Variants in STRN3 observed in about 807,000 individuals in gnomAD.
STRN3 encodes the protein striatin-3.
A neutral mutation model predicts 95.6 loss-of-function variants in STRN3; 29 were observed. The observed-to-expected ratio is 0.30, with a 90% CI of 0.23 to 0.41. The LOEUF (loss-of-function observed/expected upper bound fraction) is 0.41, where lower values mean the gene tolerates loss of function less well. Among genes scored for constraint, STRN3 ranks in the 10% least tolerant of loss-of-function variants. The probability of loss-of-function intolerance (pLI) is 1.00; values close to 1 mark genes in which losing one functional copy is unlikely to be tolerated. For missense variants in STRN3, 890 were observed against 972.1 expected (o/e 0.92, Z 1.12); for synonymous variants, 331 against 357.6 (o/e 0.93, Z 0.84).
chr14:31,011,882 C>G (rs1303278742), intron 1 of STRN3, among the ~76,000 whole-genome samples: 1 of 152,072 alleles, frequency 6.6e-6, no homozygotes, highest in Non-Finnish European at 1.5e-5. Flanking sequence ...GAGTCGGAGA[C>G]CAGCCTGACC....
At chr14:30,987,660 T>A (rs1488134470) in intron 1 of STRN3, among the ~76,000 whole-genome samples, 1 of 152,134 alleles carries the variant, frequency 6.6e-6, no homozygotes, top group Non-Finnish European at 1.5e-5. Flanking sequence ...ATAATCAATA[T>A]TTGCATTCCA....
intron 1 of STRN3, among the ~76,000 whole-genome samples, chr14:30,984,117 C>G (rs1881543473): frequency 8.5e-6 from 1 of 117,932 alleles, no homozygotes; most frequent in African/African-American, 3.1e-5. Flanking sequence ...AATTCCATGG[C>G]ATCTTCCCCG....
chr14:30,963,140 C>A (rs947278905), intron 1 of STRN3, among the ~76,000 whole-genome samples: 1 of 152,104 alleles, frequency 6.6e-6, no homozygotes, highest in Non-Finnish European at 1.5e-5. Context: ...CACCTAGTAA[C>A]AGATTATCAA....
chr14:30,921,059 T>TACACAC (rs1435369980), intron 8 of STRN3, among the ~76,000 whole-genome samples: 2 of 97,896 alleles, frequency 2.0e-5, no homozygotes, highest in African/African-American at 4.1e-5. Context: ...GAAGGCTTTC[T>TACACAC]ACACATACAT....
At chr14:30,970,290 C>T (rs975688560) in intron 1 of STRN3, among the ~76,000 whole-genome samples, 2 of 152,240 alleles carry the variant, frequency 1.3e-5, no homozygotes, top group East Asian at 1.9e-4. Flanking sequence ...AGGGAGATTT[C>T]GATAAAGACC....
chr14:30,974,676 C>A (rs530130329), intron 1 of STRN3, among the ~76,000 whole-genome samples: 15 of 150,994 alleles, frequency 9.9e-5, no homozygotes, highest in Non-Finnish European at 2.2e-4. Flanking sequence ...CTATGGCACA[C>A]GCCTGTAGTC....
At chr14:30,936,762 A>G (rs1228086946) in intron 5 of STRN3, 138 bp from the exon 6 acceptor site, 2 of 1,065,552 alleles carry the variant, frequency 1.9e-6, no homozygotes, top group African/African-American at 3.2e-5. Flanking sequence ...TTTATTCAAG[A>G]AAAGAAGTTT....
chr14:31,001,072 T>C (rs1055965677), intron 1 of STRN3, among the ~76,000 whole-genome samples: 3 of 152,200 alleles, frequency 2.0e-5, no homozygotes, highest in Non-Finnish European at 4.4e-5. Flanking sequence ...AGAGAGTACC[T>C]AGCTGTGTTG....
intron 13 of STRN3, among the ~76,000 whole-genome samples, chr14:30,908,383 T>C (rs553249617): frequency 1.3e-5 from 2 of 152,338 alleles, no homozygotes; most frequent in East Asian, 3.9e-4. Flanking sequence ...ATCCCTACAC[T>C]ATCAAATTTA....
intron 9 of STRN3, among the ~76,000 whole-genome samples, chr14:30,918,316 G>A (rs973558957): frequency 2.2e-4 from 33 of 152,056 alleles, no homozygotes; most frequent in African/African-American, 7.2e-4. Flanking sequence ...AGACCAGCCT[G>A]GCCAACATGG....
Position 30,950,323 on chromosome 14 carries a change from C to T in STRN3, c.542+540G>A, listed in dbSNP as rs148566645. Reference sequence around the variant, plus strand: ...GAAAAGGCTGAATAACTGAAAATCACCCAGGATATCAGTAGGCTACAAATC... The same window carrying T: ...GAAAAGGCTGAATAACTGAAAATCATCCAGGATATCAGTAGGCTACAAATC... On this transcript the variant is annotated intron_variant, in intron 4 of 17. Coordinates refer to ENST00000357479, the MANE Select transcript of STRN3 (RefSeq NM_001083893.2). Among the ~76,000 whole-genome samples, 15 of 152,156 alleles carry T rather than the reference C, an allele frequency of 9.9e-5. No homozygotes were observed. In the East Asian group the frequency reaches 2.9e-3, roughly 29 times the overall value.
chr14:30,894,205 ATCCTATTTGTAATGCAAATAAAACTTTAC>A lies in STRN3; in HGVS notation c.*1177_*1205del, dbSNP rs1298916903. ...TGTATCCTGATTCAACTATTTTTGT[ATCCTATTTGTAATGCAAATAAAACTTTAC>A]TCCAAATATTTTTAAACAAGTTAGT... On this transcript the variant is annotated 3_prime_UTR_variant, in exon 18 of 18. Transcript: ENST00000357479. The A allele has an allele frequency of 1.3e-5, 2 of 152,402 alleles. 1 individual carries two copies. Among genetic ancestry groups the A allele is most frequent in the Admixed American group, 1.3e-4 (2 of 15,278 alleles). The allele number at this position is 152,402 out of a possible 1,614,324, so 9.4% of individuals were successfully genotyped here.
At chr14:30,918,631 T>C (rs1896801805) in intron 9 of STRN3, among the ~76,000 whole-genome samples, 1 of 152,224 alleles carries the variant, frequency 6.6e-6, no homozygotes, top group Non-Finnish European at 1.5e-5. Context: ...TGAGTAGTTT[T>C]TTCCATATGT....
chr14:31,010,489 T>C (rs1203300347), intron 1 of STRN3, among the ~76,000 whole-genome samples: 1 of 150,906 alleles, frequency 6.6e-6, no homozygotes, highest in Non-Finnish European at 1.5e-5. Context: ...TACTTTATAA[T>C]GTTTGGTGGG....
chr14:30,963,520 T>C (rs1329279209), intron 1 of STRN3, among the ~76,000 whole-genome samples: 1 of 152,206 alleles, frequency 6.6e-6, no homozygotes, highest in Non-Finnish European at 1.5e-5. Flanking sequence ...GTGATTCTCC[T>C]GCCTCAGCCT....
rs1015284117 is a variant in STRN3, at chr14:30,905,425, T to C, written c.2022A>G (p.Val674=). 31 of 1,599,132 alleles carry C rather than the reference T, an allele frequency of 1.9e-5. No individual in the cohort carries two copies. The highest frequency in any genetic ancestry group is 2.3e-5 in the Non-Finnish European group (27 of 1,174,902). The change falls in exon 15 of 18, where the codon GTA becomes GTG. Residue 674 remains valine (V), a synonymous_variant. Coordinates refer to ENST00000357479, the MANE Select transcript of STRN3 (RefSeq NM_001083893.2). ...SQSLVILSSQ[V]DSGLQSNNHI... The stretch of plus-strand genomic sequence containing the variant: ...AACTCCATGAAAACTTACCAGAATC[T>C]ACCTGTGATGAAAGTATCACCAATG...
chr14:30,908,726 C>T (rs1283556388), intron 13 of STRN3, among the ~76,000 whole-genome samples: 2 of 152,284 alleles, frequency 1.3e-5, no homozygotes, highest in East Asian at 3.9e-4. Flanking sequence ...CCTCAGTTTC[C>T]TTTCTTGGCT....
intron 7 of STRN3, chr14:30,931,863 T>C (rs1878552609): frequency 6.6e-6 from 1 of 152,206 alleles, no homozygotes; most frequent in Non-Finnish European, 1.5e-5. Flanking sequence ...TAATTGTTGA[T>C]TGCTAATAGA....
chr14:30,916,098 T>C (rs1469769496), intron 9 of STRN3, among the ~76,000 whole-genome samples: 1 of 152,144 alleles, frequency 6.6e-6, no homozygotes, highest in Non-Finnish European at 1.5e-5. Context: ...CTGCTTTCCA[T>C]ATTACCCATC....
Sources: allele counts gnomAD v4.1 joint callset (sites outside exome capture counted in the v4.1 genomes callset), GRCh38; gene constraint gnomAD v4.1.1; transcripts MANE v1.5; gene names NCBI Gene and HGNC (gene_info 2026-07-23, HGNC 2026-07-21).